Variants in GPATCH8 observed in about 807,000 individuals in gnomAD.
The protein encoded by GPATCH8 is G patch domain-containing protein 8.
In GPATCH8, 18 loss-of-function variants were observed where a neutral mutation model predicts 118.3. The ratio of observed to expected loss-of-function variants is 0.15; its 90% CI spans 0.11 to 0.23. GPATCH8 has a LOEUF of 0.23. Ranked by LOEUF, GPATCH8 falls within the 10% of genes least tolerant of loss-of-function variation. The probability of loss-of-function intolerance (pLI) is 1.00; values close to 1 mark genes in which losing one functional copy is unlikely to be tolerated. For synonymous variants in GPATCH8, 659 were observed against 684.7 expected (o/e 0.96, Z 0.59); for missense variants, 1,631 against 1,873.8 (o/e 0.87, Z 2.39).
intron 3 of GPATCH8, among the ~76,000 whole-genome samples, chr17:44,445,569 G>A (rs1030761643): frequency 2.6e-5 from 4 of 151,492 alleles, no homozygotes; most frequent in African/African-American, 9.7e-5. Flanking sequence ...GCAACAGCGC[G>A]ATCTCGGCTC....
intron 1 of GPATCH8, among the ~76,000 whole-genome samples, chr17:44,487,031 A>G (rs547344533): frequency 6.6e-6 from 1 of 152,320 alleles, no homozygotes; most frequent in South Asian, 2.1e-4. Context: ...TCCATAGTAC[A>G]TTAAGATTCA....
Position 44,397,107 on chromosome 17 carries a change from A to AGAACAGC in GPATCH8, c.*454_*460dup. On this transcript the variant is annotated 3_prime_UTR_variant, in exon 8 of 8. Transcript: ENST00000591680. ...CCAAAATGGTGGCACTTCCACCACTAGAACAGCTTGGCCTTCCCTGTGGCG... is the reference window on the plus strand; with the variant it reads ...CCAAAATGGTGGCACTTCCACCACTAGAACAGCGAACAGCTTGGCCTTCCCTGTGGCG... The AGAACAGC allele has an allele frequency of 2.2e-6, 1 of 455,116 alleles. No homozygotes were observed. Among genetic ancestry groups the AGAACAGC allele is most frequent in the Non-Finnish European group, 4.4e-6 (1 of 227,476 alleles). 28.2% of individuals were successfully genotyped at this position (455,116 alleles called of 1,614,324 possible).
intron 1 of GPATCH8, among the ~76,000 whole-genome samples, chr17:44,497,288 T>C (rs1048898014): frequency 3.3e-5 from 5 of 152,224 alleles, no homozygotes; most frequent in Non-Finnish European, 7.3e-5. Flanking sequence ...TCTGCTACGC[T>C]TTCAGAAAAT....
In GPATCH8 at chr17:44,425,952, A is replaced by G. The variant is rs901931038; in HGVS notation, c.349-1460T>C. On this transcript the variant is annotated intron_variant, in intron 5 of 7. Coordinates refer to ENST00000591680, the MANE Select transcript of GPATCH8 (RefSeq NM_001002909.4). ...GAATTAAAAAAACCCCACCAACTGC[A>G]TTTTCAGAAGAACTGGGCAACAGAT... Among the ~76,000 whole-genome samples, 3 of 152,194 alleles carry G rather than the reference A, an allele frequency of 2.0e-5. No individual in the cohort carries two copies. In the East Asian group the frequency reaches 5.8e-4, roughly 29 times the overall value.
At position 44,482,904 on chromosome 17, in the gene GPATCH8, C is replaced by T. The variant is rs535740231; in HGVS notation, c.46-8001G>A. The stretch of plus-strand genomic sequence containing the variant: ...GGGCGCGGTGGCTCACGCCTGTAAT[C>T]CCAGCACTTTGGGAGGCCGAGGCAG... On this transcript the variant is annotated intron_variant, in intron 1 of 7. Transcript: ENST00000591680. Among the ~76,000 whole-genome samples, 232 of 149,928 alleles carry T rather than the reference C, an allele frequency of 1.5e-3. 1 individual carries two copies. The highest frequency in any genetic ancestry group is 4.9e-3 in the South Asian group (23 of 4,702).
At chr17:44,466,882 A>G (rs1311637082) in intron 2 of GPATCH8, among the ~76,000 whole-genome samples, 1 of 152,122 alleles carries the variant, frequency 6.6e-6, no homozygotes, top group Non-Finnish European at 1.5e-5. Context: ...TTTAGGCATT[A>G]AACAATGCTG....
chr17:44,414,131 A>ATATATATATATGTG (rs1211370904), intron 6 of GPATCH8, among the ~76,000 whole-genome samples: 119 of 26,588 alleles, frequency 4.5e-3, no homozygotes, highest in South Asian at 0.015. Flanking sequence ...ATATATGTGT[A>ATATATATATATGTG]TATATATATA....
At chr17:44,472,747 G>C (rs1490108786) in intron 2 of GPATCH8, among the ~76,000 whole-genome samples, 1 of 152,090 alleles carries the variant, frequency 6.6e-6, no homozygotes, top group African/African-American at 2.4e-5. Flanking sequence ...CCAGGCTAGA[G>C]TGCAGTGGCA....
At chr17:44,434,976 G>C (rs34566199) in intron 5 of GPATCH8, 89 bp downstream of exon 5, 3 of 762,502 alleles carry the variant, frequency 3.9e-6, no homozygotes, top group African/African-American at 1.7e-5. Context: ...AATGCTGTTA[G>C]CAACAGTGAT....
intron 3 of GPATCH8, among the ~76,000 whole-genome samples, chr17:44,463,708 A>G (rs1242472471): frequency 6.6e-6 from 1 of 152,246 alleles, no homozygotes; most frequent in East Asian, 1.9e-4. Flanking sequence ...GGTAGCATTC[A>G]TATCACATCT....
chr17:44,460,359 T>A lies in GPATCH8; in HGVS notation c.193+4113A>T, dbSNP rs527497134. Among the ~76,000 whole-genome samples, 10 of 152,322 alleles carry A rather than the reference T, an allele frequency of 6.6e-5. No homozygotes were observed. The South Asian group carries it at 1.0e-3, about 16-fold the overall frequency. On this transcript the variant is annotated intron_variant, in intron 3 of 7. Transcript: ENST00000591680. ...TATCGGCCATATATAATAACTTTTT[T>A]AAAATTTCTGAAATATTTTAACAAA...
chr17:44,435,411 C>CTTTTTTTTTTTT (rs566253126), intron 4 of GPATCH8, among the ~76,000 whole-genome samples: 1 of 99,738 alleles, frequency 1.0e-5, no homozygotes, highest in Non-Finnish European at 1.9e-5. Context: ...TCTTTCTTTC[C>CTTTTTTTTTTTT]TTTTTTTTTT....
At chr17:44,443,918 C>T (rs1010109887) in intron 3 of GPATCH8, among the ~76,000 whole-genome samples, 4 of 152,146 alleles carry the variant, frequency 2.6e-5, no homozygotes, top group Admixed American at 2.0e-4. Context: ...AAGCAATTTG[C>T]CCACTTTGGC....
chr17:44,431,420 A>C (rs1238791140), intron 5 of GPATCH8, among the ~76,000 whole-genome samples: 1 of 150,906 alleles, frequency 6.6e-6, no homozygotes, highest in East Asian at 1.9e-4. Context: ...CACAAAAATC[A>C]GCATAGTGTT....
chr17:44,406,352 C>T (rs2049220605), intron 6 of GPATCH8, among the ~76,000 whole-genome samples: 1 of 151,996 alleles, frequency 6.6e-6, no homozygotes, highest in Non-Finnish European at 1.5e-5. Flanking sequence ...ACTATTTAAT[C>T]ACCTGCTCCT....
chr17:44,499,326 T>C (rs750941561), intron 1 of GPATCH8, among the ~76,000 whole-genome samples: 10 of 152,034 alleles, frequency 6.6e-5, no homozygotes, highest in Non-Finnish European at 1.0e-4. Context: ...AAAAATTAGC[T>C]GGACATGGTG....
At chr17:44,496,060 G>T (rs1969647765) in intron 1 of GPATCH8, among the ~76,000 whole-genome samples, 1 of 152,052 alleles carries the variant, frequency 6.6e-6, no homozygotes, top group Non-Finnish European at 1.5e-5. Context: ...GTAGAGATGG[G>T]TTTTCACCAT....
At chr17:44,449,847 T>A (rs1004326629) in intron 3 of GPATCH8, among the ~76,000 whole-genome samples, 4 of 152,196 alleles carry the variant, frequency 2.6e-5, no homozygotes, top group African/African-American at 7.2e-5. Context: ...CCAAGGTGAT[T>A]CTGCTGAAAG....
intron 5 of GPATCH8, 25 bp downstream of exon 5, chr17:44,435,036 TCTCC>T (rs1189626988): frequency 1.1e-6 from 1 of 916,870 alleles, no homozygotes; most frequent in African/African-American, 1.6e-5. Flanking sequence ...CACCTCCCCA[TCTCC>T]CAATGAATAG....
Sources: gnomAD v4.1 joint callset for allele counts (sites outside exome capture counted in the v4.1 genomes callset) on GRCh38, gnomAD v4.1.1 for gene constraint, MANE v1.5 for transcripts, NCBI Gene and HGNC (gene_info 2026-07-23, HGNC 2026-07-21) for gene names.